The following CDH1 variants were observed in gnomAD, a reference collection of about 807,000 sequenced individuals.
The protein encoded by CDH1 is cadherin-1.
CDH1 carries 35 observed loss-of-function variants against 84.5 expected under a neutral mutation model. The ratio of observed to expected loss-of-function variants is 0.41; its 90% CI spans 0.32 to 0.55. CDH1 has a LOEUF of 0.55. Ranked by LOEUF, CDH1 falls within the 20% of genes least tolerant of loss-of-function variation. The pLI is 0.19. For missense variants in CDH1, 994 were observed against 1,126.6 expected (o/e 0.88, Z 1.68); for synonymous variants, 417 against 439.0 (o/e 0.95, Z 0.63).
At chr16:68,752,325 C>A (rs1224913421) in intron 2 of CDH1, among the ~76,000 whole-genome samples, 2 of 152,324 alleles carry the variant, frequency 1.3e-5, no homozygotes, top group South Asian at 4.1e-4. Context: ...TCTTCTAGTA[C>A]TTTTCACTGT....
At chr16:68,748,410 T>C (rs1962804149) in intron 2 of CDH1, among the ~76,000 whole-genome samples, 1 of 152,200 alleles carries the variant, frequency 6.6e-6, no homozygotes, top group Non-Finnish European at 1.5e-5. Flanking sequence ...CCGGCCATTT[T>C]AAAAATGTTT....
chr16:68,826,336 G>A (rs1172984692), intron 13 of CDH1, among the ~76,000 whole-genome samples: 4 of 150,552 alleles, frequency 2.7e-5, no homozygotes, highest in African/African-American at 9.8e-5. Context: ...TATTAGAGAT[G>A]GGTTCTCACT....
intron 2 of CDH1, among the ~76,000 whole-genome samples, chr16:68,773,309 T>G (rs1013040661): frequency 4.6e-5 from 7 of 151,808 alleles, no homozygotes; most frequent in East Asian, 1.9e-4. Context: ...TTTTTTTTTT[T>G]TTGTTGAGAT....
chr16:68,786,534 C>CTTTTTTTTTTTT lies in CDH1; in HGVS notation c.164-15128_164-15117dup, dbSNP rs3074434. Among the ~76,000 whole-genome samples, 26 of 73,942 alleles carry CTTTTTTTTTTTT rather than the reference C, an allele frequency of 3.5e-4. 1 individual carries two copies. Among genetic ancestry groups the CTTTTTTTTTTTT allele is most frequent in the African/African-American group, 4.1e-4 (7 of 16,950 alleles). 48.5% of individuals were successfully genotyped at this position (73,942 alleles called of 152,430 possible). On this transcript the variant is annotated intron_variant, in intron 2 of 15. Transcript: ENST00000261769. Reference sequence around the variant, plus strand: ...CTTTCTGCTTTCTTTTTTTTTTTTTCTTTTTTTTTTTTTTTTTTTGGTATT... The same window carrying CTTTTTTTTTTTT: ...CTTTCTGCTTTCTTTTTTTTTTTTTCTTTTTTTTTTTTTTTTTTTTTTTTTTTTTTTGGTATT...
chr16:68,813,556 T>C, intron 9 of CDH1, 61 bp downstream of exon 9: 1 of 1,496,234 alleles, frequency 6.7e-7, no homozygotes, highest in Non-Finnish European at 9.3e-7. Flanking sequence ...CATACCCTTG[T>C]CCCCTGGTAT....
In CDH1 at chr16:68,745,326, T is replaced by TA. The variant is rs946954068; in HGVS notation, c.163+6925dup. Among the ~76,000 whole-genome samples, 427 of 148,228 alleles carry TA rather than the reference T, an allele frequency of 2.9e-3. 1 individual carries two copies. Among genetic ancestry groups the TA allele is most frequent in the African/African-American group, 9.9e-3 (399 of 40,274 alleles). ...GCGAGACCCCCATCTCTACAAAGAT[T>TA]AAAAAAAAAATTTAGCCAGGTATGG... is the stretch of plus-strand genomic sequence containing the variant. On this transcript the variant is annotated intron_variant, in intron 2 of 15. Coordinates refer to ENST00000261769, the MANE Select transcript of CDH1 (RefSeq NM_004360.5).
intron 12 of CDH1, chr16:68,822,547 A>C (rs1383038996): frequency 5.8e-6 from 3 of 515,260 alleles, no homozygotes; most frequent in East Asian, 4.2e-5. Flanking sequence ...ACCAAACAAC[A>C]CCATTTTTGT....
chr16:68,780,251 C>T (rs539203791), intron 2 of CDH1, among the ~76,000 whole-genome samples: 2 of 152,210 alleles, frequency 1.3e-5, no homozygotes, highest in East Asian at 3.9e-4. Flanking sequence ...CACACCACTG[C>T]CTCCAGCACT....
At chr16:68,740,109 T>C (rs1962524240) in intron 2 of CDH1, among the ~76,000 whole-genome samples, 1 of 87,328 alleles carries the variant, frequency 1.1e-5, no homozygotes, top group Non-Finnish European at 2.7e-5. Context: ...GCTTCCTTTA[T>C]ATCAAACCAC....
chr16:68,809,804 G>A (rs574153112), intron 5 of CDH1, among the ~76,000 whole-genome samples: 49 of 152,270 alleles, frequency 3.2e-4, no homozygotes, highest in Middle Eastern at 6.8e-3. Flanking sequence ...GAGATTACAT[G>A]AACCACTATG....
chr16:68,748,457 AT>A (rs1962805724), intron 2 of CDH1, among the ~76,000 whole-genome samples: 1 of 152,160 alleles, frequency 6.6e-6, no homozygotes, highest in African/African-American at 2.4e-5. Flanking sequence ...TGGTGTGTAT[AT>A]TTATGGGGTA....
chr16:68,819,564 AT>A, intron 11 of CDH1, 139 bp downstream of exon 11: 1 of 976,414 alleles, frequency 1.0e-6, no homozygotes, highest in South Asian at 1.4e-5. Flanking sequence ...GTATAAATGT[AT>A]GGAGTACAAG....
intron 2 of CDH1, among the ~76,000 whole-genome samples, chr16:68,793,813 ACC>A (rs1323431873): frequency 6.6e-6 from 1 of 151,844 alleles, no homozygotes; most frequent in East Asian, 1.9e-4. Flanking sequence ...AATCCCTCGA[ACC>A]CGGGAGGCAG....
chr16:68,798,278 GTCCCCGTATTCTGA>G (rs1229991464), intron 2 of CDH1, among the ~76,000 whole-genome samples: 2 of 152,076 alleles, frequency 1.3e-5, no homozygotes, highest in Non-Finnish European at 2.9e-5. Flanking sequence ...AATATACCCA[GTCCCCGTATTCTGA>G]TCCTCCAGTT....
intron 2 of CDH1, among the ~76,000 whole-genome samples, chr16:68,792,215 C>A (rs1597878217): frequency 6.7e-6 from 1 of 149,322 alleles, no homozygotes; most frequent in African/African-American, 2.5e-5. Flanking sequence ...GGCACCACAC[C>A]CGGCCTAAAC....
intron 2 of CDH1, among the ~76,000 whole-genome samples, chr16:68,799,805 G>C (rs1960449191): frequency 6.6e-6 from 1 of 152,096 alleles, no homozygotes; most frequent in Non-Finnish European, 1.5e-5. Flanking sequence ...CTGAGGTCAG[G>C]AGTTTGAGAC....
intron 2 of CDH1, among the ~76,000 whole-genome samples, chr16:68,775,824 G>A (rs1959717859): frequency 1.3e-5 from 2 of 152,180 alleles, no homozygotes; most frequent in Non-Finnish European, 2.9e-5. Flanking sequence ...GTAAACTTAG[G>A]TGTGGTCGTT....
At chr16:68,804,356 A>ACCTG (rs1194157539) in intron 3 of CDH1, among the ~76,000 whole-genome samples, 1 of 151,640 alleles carries the variant, frequency 6.6e-6, no homozygotes, top group Non-Finnish European at 1.5e-5. Context: ...CTTGTGATCC[A>ACCTG]CCTGCCTCGG....
In CDH1 at chr16:68,812,122, G is replaced by A. The variant is rs557444760; in HGVS notation, c.1009-13G>A. On this transcript the variant is annotated splice_polypyrimidine_tract_variant and intron_variant, in intron 7 of 15. Coordinates refer to ENST00000261769, the MANE Select transcript of CDH1 (RefSeq NM_004360.5). The stretch of plus-strand genomic sequence containing the variant: ...TTCCTGGTCCTGACTTGGTTGTGTC[G>A]ATCTCTCTGCAGAGTTTCCCTACGT... 19 of 1,613,830 alleles carry A rather than the reference G, an allele frequency of 1.2e-5. No homozygotes were observed. Among genetic ancestry groups the A allele is most frequent in the East Asian group, 6.7e-5 (3 of 44,892 alleles).
Sources: gnomAD v4.1 joint callset for allele counts (sites outside exome capture counted in the v4.1 genomes callset) on GRCh38, gnomAD v4.1.1 for gene constraint, MANE v1.5 for transcripts, NCBI Gene and HGNC (gene_info 2026-07-23, HGNC 2026-07-21) for gene names.